FRMD6: variants seen among roughly 807,000 people sequenced by gnomAD.
FRMD6 encodes FERM domain containing 6.
A neutral mutation model predicts 73.2 loss-of-function variants in FRMD6; 37 were observed. That is an observed-to-expected ratio of 0.51 (90% CI 0.39 to 0.66). FRMD6 has a LOEUF of 0.66. Among genes scored for constraint, FRMD6 ranks in the 30% least tolerant of loss-of-function variants. The pLI is 0.00. For synonymous variants in FRMD6, 273 were observed against 282.2 expected (o/e 0.97, Z 0.33); for missense variants, 714 against 780.5 (o/e 0.91, Z 1.02).
chr14:51,617,333 G>C lies in FRMD6; in HGVS notation c.-147+46923G>C, dbSNP rs113848004. Among the ~76,000 whole-genome samples the C allele has an allele frequency of 8.0e-3, 1,221 of 152,280 alleles. 22 individuals are homozygous for C. Among genetic ancestry groups the C allele is most frequent in the African/African-American group, 0.028 (1,148 of 41,558 alleles). The stretch of plus-strand genomic sequence containing the variant: ...GGGGGAAAAAGAAGAAAAGGGAAGA[G>C]AGAAGGCAGAGAGAGCAAGGGCTGG... On this transcript the variant is annotated intron_variant, in intron 2 of 14. Transcript: ENST00000356218.
At chr14:51,716,076 A>G (rs1287591011) in intron 10 of FRMD6, among the ~76,000 whole-genome samples, 1 of 152,154 alleles carries the variant, frequency 6.6e-6, no homozygotes, top group Non-Finnish European at 1.5e-5. Context: ...TGAGATGCAG[A>G]TGAAATAAAG....
At chr14:51,640,669 A>G (rs1435241576) in intron 2 of FRMD6, among the ~76,000 whole-genome samples, 4 of 152,246 alleles carry the variant, frequency 2.6e-5, no homozygotes, top group African/African-American at 9.6e-5. Flanking sequence ...TGCTAGTGAT[A>G]TGATGAACAA....
At chr14:51,417,140 T>C in the FRMD6 span, among the ~76,000 whole-genome samples, 1 of 152,226 alleles carries the variant, frequency 6.6e-6, no homozygotes, top group Non-Finnish European at 1.5e-5. Flanking sequence ...TTGAGGCATT[T>C]AGCCCATTTA....
At chr14:51,477,419 A>C in the FRMD6 span, among the ~76,000 whole-genome samples, 7 of 152,084 alleles carry the variant, frequency 4.6e-5, no homozygotes, top group Non-Finnish European at 1.0e-4. Context: ...TCCCTTCTTG[A>C]AAAAAGAATT....
the FRMD6 span, among the ~76,000 whole-genome samples, chr14:51,472,516 G>C: frequency 1.4e-4 from 22 of 152,252 alleles, no homozygotes; most frequent in African/African-American, 5.1e-4. Flanking sequence ...TGCTAGCCAG[G>C]ATGGCCTCGA....
intron 1 of FRMD6, among the ~76,000 whole-genome samples, chr14:51,512,873 T>G (rs1884396965): frequency 6.6e-6 from 1 of 152,164 alleles, no homozygotes; most frequent in Admixed American, 6.5e-5. Context: ...ACTGCCTGGA[T>G]GTACTGGCCA....
chr14:51,446,445 G>GAC, the FRMD6 span, among the ~76,000 whole-genome samples: 109 of 139,232 alleles, frequency 7.8e-4, 2 homozygotes, highest in Middle Eastern at 7.1e-3. Flanking sequence ...CTCTTGTGTA[G>GAC]ACACACACAC....
intron 2 of FRMD6, among the ~76,000 whole-genome samples, chr14:51,603,584 T>C (rs1057019109): frequency 6.6e-6 from 1 of 152,164 alleles, no homozygotes; most frequent in Non-Finnish European, 1.5e-5. Flanking sequence ...AATTATAATA[T>C]GTTAGATATT....
chr14:51,629,224 C>T (rs1219379310), intron 2 of FRMD6, among the ~76,000 whole-genome samples: 1 of 152,168 alleles, frequency 6.6e-6, no homozygotes, highest in Non-Finnish European at 1.5e-5. Context: ...AGTTCATCCA[C>T]GTTGTTGCAC....
chr14:51,556,450 G>A (rs1360294098), intron 1 of FRMD6, among the ~76,000 whole-genome samples: 1 of 152,144 alleles, frequency 6.6e-6, no homozygotes, highest in Non-Finnish European at 1.5e-5. Context: ...AATCATCAGA[G>A]TCAAACCTTA....
intron 6 of FRMD6, among the ~76,000 whole-genome samples, chr14:51,706,137 T>A (rs546956458): frequency 3.3e-5 from 5 of 152,132 alleles, no homozygotes; most frequent in Non-Finnish European, 7.4e-5. Context: ...TCACCATTCC[T>A]TCTCCCTGTC....
At chr14:51,557,259 T>C (rs2139478543) in intron 1 of FRMD6, among the ~76,000 whole-genome samples, 1 of 152,032 alleles carries the variant, frequency 6.6e-6, no homozygotes. Context: ...TATATATATA[T>C]ATATATATAC....
At chr14:51,410,297 T>G in the FRMD6 span, among the ~76,000 whole-genome samples, 1 of 152,196 alleles carries the variant, frequency 6.6e-6, no homozygotes, top group Non-Finnish European at 1.5e-5. Context: ...TTATTTAGTC[T>G]CAAAGCCAGG....
chr14:51,655,245 A>G (rs1892735523), intron 1 of FRMD6, among the ~76,000 whole-genome samples: 2 of 152,220 alleles, frequency 1.3e-5, no homozygotes, highest in South Asian at 4.1e-4. Context: ...TACTAGAGTT[A>G]TAAAGGCTGT....
At chr14:51,608,023 A>G (rs1890334501) in intron 2 of FRMD6, among the ~76,000 whole-genome samples, 1 of 149,486 alleles carries the variant, frequency 6.7e-6, no homozygotes, top group African/African-American at 2.5e-5. Flanking sequence ...CATCAGATCC[A>G]GTAACACAAA....
the FRMD6 span, among the ~76,000 whole-genome samples, chr14:51,432,259 C>A: frequency 2.6e-5 from 4 of 152,144 alleles, no homozygotes; most frequent in African/African-American, 9.7e-5. Flanking sequence ...CAGCTTCATT[C>A]TGGTCTGACT....
chr14:51,542,361 T>G (rs1471473460), intron 1 of FRMD6, among the ~76,000 whole-genome samples: 1 of 152,068 alleles, frequency 6.6e-6, no homozygotes, highest in Non-Finnish European at 1.5e-5. Flanking sequence ...CTGGATATTT[T>G]CTATAAATAG....
chr14:51,449,120 G>T, the FRMD6 span, among the ~76,000 whole-genome samples: 1 of 152,176 alleles, frequency 6.6e-6, no homozygotes, highest in Non-Finnish European at 1.5e-5. Context: ...ACCCTCAGTT[G>T]CTGTACCCAG....
chr14:51,416,468 T>C, the FRMD6 span, among the ~76,000 whole-genome samples: 1 of 152,228 alleles, frequency 6.6e-6, no homozygotes, highest in Non-Finnish European at 1.5e-5. Context: ...CGGTTTTGAG[T>C]GAGCTTCTTA....
Sources: gnomAD v4.1 joint callset for allele counts (sites outside exome capture counted in the v4.1 genomes callset) on GRCh38, gnomAD v4.1.1 for gene constraint, MANE v1.5 for transcripts, NCBI Gene and HGNC (gene_info 2026-07-23, HGNC 2026-07-21) for gene names.